Variants in LIN9 observed in about 807,000 individuals in gnomAD.
LIN9 encodes the protein lin-9 DREAM MuvB core complex component.
Under a neutral mutation model 78.0 loss-of-function variants are expected in LIN9, and 18 were observed. That is an observed-to-expected ratio of 0.23 (90% CI 0.16 to 0.34). The LOEUF is 0.34. Ranked by LOEUF, LIN9 falls within the 10% of genes least tolerant of loss-of-function variation. LIN9 has a pLI of 1.00. For missense variants in LIN9, 451 were observed against 644.1 expected (o/e 0.70, Z 3.25); for synonymous variants, 192 against 215.2 (o/e 0.89, Z 0.94).
chr1:226,281,857 C>G (rs1034262696), intron 6 of LIN9, among the ~76,000 whole-genome samples: 1 of 151,990 alleles, frequency 6.6e-6, no homozygotes, highest in Non-Finnish European at 1.5e-5. Context: ...CCACGCCCAG[C>G]TAATTTTTGT....
chr1:226,277,744 T>C (rs1338736225), intron 7 of LIN9, 31 bp downstream of exon 7: 2 of 1,585,334 alleles, frequency 1.3e-6, no homozygotes, highest in Non-Finnish European at 1.7e-6. Flanking sequence ...AAATTACAAG[T>C]CAAAAGAGTA....
chr1:226,251,483 C>T (rs531547519), intron 10 of LIN9, among the ~76,000 whole-genome samples: 2 of 152,272 alleles, frequency 1.3e-5, no homozygotes, highest in South Asian at 4.1e-4. Context: ...TCACCTTGGC[C>T]TCCCAAAGTG....
intron 11 of LIN9, among the ~76,000 whole-genome samples, chr1:226,246,550 A>G (rs574688271): frequency 6.6e-6 from 1 of 152,056 alleles, no homozygotes; most frequent in African/African-American, 2.4e-5. Context: ...TGGGAGGCCA[A>G]GGCTGGTGGA....
chr1:226,305,429 G>A (rs1302723842), intron 1 of LIN9, among the ~76,000 whole-genome samples: 2 of 150,234 alleles, frequency 1.3e-5, no homozygotes, highest in African/African-American at 4.9e-5. Context: ...GAAGATCAAG[G>A]CTGCAGTGAG....
chr1:226,290,703 G>A (rs1026117512), intron 4 of LIN9, among the ~76,000 whole-genome samples: 1 of 152,074 alleles, frequency 6.6e-6, no homozygotes, highest in African/African-American at 2.4e-5. Flanking sequence ...TGAGTTGGAG[G>A]CATTTGGAAA....
chr1:226,233,088 C>A lies in LIN9; in HGVS notation c.1523+8G>T. On this transcript the variant is annotated splice_region_variant and intron_variant, in intron 14 of 14. Coordinates refer to ENST00000681046, the MANE Select transcript of LIN9 (RefSeq NM_001366245.2). ...ATTAAAATGATTAGAGTATACCTAA[C>A]GAATTACCTGATATTAGAAGCGTCT... The A allele has an allele frequency of 6.6e-7, 1 of 1,510,708 alleles. No individual in the cohort carries two copies. 93.6% of individuals were successfully genotyped at this position (1,510,708 alleles called of 1,614,324 possible).
chr1:226,275,260 T>C (rs1282434901), intron 7 of LIN9, among the ~76,000 whole-genome samples: 1 of 152,230 alleles, frequency 6.6e-6, no homozygotes, highest in Non-Finnish European at 1.5e-5. Flanking sequence ...TTGATTTTTT[T>C]CAACCACTTA....
At chr1:226,248,194 A>C (rs1437568501) in intron 11 of LIN9, among the ~76,000 whole-genome samples, 1 of 152,214 alleles carries the variant, frequency 6.6e-6, no homozygotes, top group Non-Finnish European at 1.5e-5. Flanking sequence ...GCCACGTTTG[A>C]GTTCTGTCAC....
intron 4 of LIN9, among the ~76,000 whole-genome samples, chr1:226,290,333 C>CTTTT (rs60478152): frequency 5.9e-5 from 8 of 136,748 alleles, no homozygotes; most frequent in Non-Finnish European, 6.4e-5. Flanking sequence ...GAGGCTATTT[C>CTTTT]TTTTTTTTTT....
At chr1:226,267,811 C>T (rs1660027888) in intron 8 of LIN9, 146 bp downstream of exon 8, 1 of 750,386 alleles carries the variant, frequency 1.3e-6, no homozygotes, top group Non-Finnish European at 2.1e-6. Context: ...AACCAGGGGT[C>T]TAGCAGATAG....
chr1:226,284,371 A>C (rs1330866114), intron 6 of LIN9, among the ~76,000 whole-genome samples: 1 of 152,158 alleles, frequency 6.6e-6, no homozygotes, highest in Non-Finnish European at 1.5e-5. Context: ...TTGCTTTTTC[A>C]GAATTTTCCT....
intron 7 of LIN9, among the ~76,000 whole-genome samples, chr1:226,272,627 G>A (rs1487470618): frequency 6.6e-6 from 1 of 151,290 alleles, no homozygotes; most frequent in African/African-American, 2.4e-5. Flanking sequence ...AGCTGAGGCA[G>A]GGCTTGCATG....
At chr1:226,280,349 G>A (rs1660965444) in intron 6 of LIN9, among the ~76,000 whole-genome samples, 1 of 152,176 alleles carries the variant, frequency 6.6e-6, no homozygotes, top group African/African-American at 2.4e-5. Context: ...CACAGAAAGA[G>A]CTTAGCTGAT....
chr1:226,288,614 A>G (rs1661522448), intron 4 of LIN9, among the ~76,000 whole-genome samples: 1 of 152,232 alleles, frequency 6.6e-6, no homozygotes, highest in Non-Finnish European at 1.5e-5. Flanking sequence ...AAAAATCACT[A>G]TATGTAAATA....
chr1:226,301,274 G>T, intron 1 of LIN9, 69 bp from the exon 2 acceptor site: 1 of 1,156,478 alleles, frequency 8.6e-7, no homozygotes, highest in Non-Finnish European at 1.3e-6. Context: ...ACCTTGGTTT[G>T]GGGGTAAAAG....
chr1:226,261,555 A>C (rs1365432550), intron 10 of LIN9, among the ~76,000 whole-genome samples: 1 of 152,228 alleles, frequency 6.6e-6, no homozygotes, highest in Non-Finnish European at 1.5e-5. Flanking sequence ...AAAATGAAAT[A>C]CTTAAGTATA....
intron 11 of LIN9, among the ~76,000 whole-genome samples, chr1:226,250,048 TA>T (rs370130457): frequency 1.3e-5 from 2 of 152,008 alleles, no homozygotes; most frequent in African/African-American, 4.8e-5. Context: ...TGTGCGCCTG[TA>T]ATCCTAGCTA....
chr1:226,267,005 C>T (rs1219604483), intron 8 of LIN9, among the ~76,000 whole-genome samples: 1 of 151,680 alleles, frequency 6.6e-6, no homozygotes, highest in Non-Finnish European at 1.5e-5. Context: ...GTCTTGAACT[C>T]CTGACATCAG....
Position 226,232,170 on chromosome 1 carries a change from C to T in LIN9, c.*331G>A, listed in dbSNP as rs375092906. The T allele has an allele frequency of 1.9e-3, 768 of 399,590 alleles. 1 individual carries two copies. Among genetic ancestry groups the T allele is most frequent in the Non-Finnish European group, 2.6e-3 (590 of 226,592 alleles). The allele number at this position is 399,590 out of a possible 1,614,324, so 24.8% of individuals were successfully genotyped here. A position where few individuals can be genotyped will look rare whatever the true frequency, so the allele number is the denominator to read the frequency against. On this transcript the variant is annotated 3_prime_UTR_variant, in exon 15 of 15. Coordinates refer to ENST00000681046, the MANE Select transcript of LIN9 (RefSeq NM_001366245.2). ...TTGCAGCAGTTGTCTGCATGTGTTG[C>T]GGTGAATTCATGCACATTAAAAAAA...
Sources: gnomAD v4.1 joint callset for allele counts (sites outside exome capture counted in the v4.1 genomes callset) on GRCh38, gnomAD v4.1.1 for gene constraint, MANE v1.5 for transcripts, NCBI Gene and HGNC (gene_info 2026-07-23, HGNC 2026-07-21) for gene names.